The following TMEM132B variants were observed in gnomAD, a reference collection of about 807,000 sequenced individuals.
TMEM132B encodes the protein transmembrane protein 132B.
A neutral mutation model predicts 90.8 loss-of-function variants in TMEM132B; 18 were observed. That is an observed-to-expected ratio of 0.20 (90% CI 0.14 to 0.29). TMEM132B has a LOEUF of 0.29. Ranked by LOEUF, TMEM132B falls within the 10% of genes least tolerant of loss-of-function variation. The pLI is 1.00. For missense variants in TMEM132B, 1,096 were observed against 1,326.8 expected, an observed-to-expected ratio of 0.83 and a Z score of 2.70; for synonymous variants, 504 against 523.3, an observed-to-expected ratio of 0.96 and a Z score of 0.50.
At chr12:125,507,520 G>C (rs1882876573) in intron 3 of TMEM132B, among the ~76,000 whole-genome samples, 1 of 152,154 alleles carries the variant, frequency 6.6e-6, no homozygotes, top group African/African-American at 2.4e-5. Flanking sequence ...GACAGCTGTT[G>C]AGTTTAGTCC....
intron 1 of TMEM132B, among the ~76,000 whole-genome samples, chr12:125,342,995 T>C (rs1021332230): frequency 5.3e-5 from 8 of 152,188 alleles, no homozygotes; most frequent in African/African-American, 1.9e-4. Flanking sequence ...TTTTTGATTC[T>C]ATAATGAATG....
intron 3 of TMEM132B, among the ~76,000 whole-genome samples, chr12:125,452,807 C>T (rs964077062): frequency 6.6e-6 from 1 of 152,034 alleles, no homozygotes; most frequent in African/African-American, 2.4e-5. Context: ...GTCATTTGCC[C>T]ACTAGCTGAT....
At chr12:125,269,754 A>G (rs1452235638) in intron 1 of TMEM132B, among the ~76,000 whole-genome samples, 1 of 152,156 alleles carries the variant, frequency 6.6e-6, no homozygotes, top group Non-Finnish European at 1.5e-5. Context: ...GCAAGACGGA[A>G]GTGTATTTCC....
intron 2 of TMEM132B, among the ~76,000 whole-genome samples, chr12:125,385,918 A>G (rs769276513): frequency 2.2e-4 from 34 of 152,164 alleles, no homozygotes; most frequent in Non-Finnish European, 8.8e-5. Context: ...AGACACAGAA[A>G]TCCTTGGTAT....
chr12:125,439,645 T>C (rs1880809821), intron 3 of TMEM132B, among the ~76,000 whole-genome samples: 1 of 152,210 alleles, frequency 6.6e-6, no homozygotes, highest in African/African-American at 2.4e-5. Flanking sequence ...CTCTTCCTAT[T>C]TGAATGCCCT....
At chr12:125,322,954 A>G (rs1448854816) in intron 1 of TMEM132B, among the ~76,000 whole-genome samples, 1 of 152,232 alleles carries the variant, frequency 6.6e-6, no homozygotes, top group Non-Finnish European at 1.5e-5. Context: ...GTAGCAAACC[A>G]TGAGTACTGT....
chr12:125,413,179 TC>T (rs1308401992), intron 2 of TMEM132B, among the ~76,000 whole-genome samples: 5 of 152,108 alleles, frequency 3.3e-5, no homozygotes, highest in Admixed American at 6.5e-5. Context: ...AGTTCGAGAA[TC>T]TCTCTCCTGC....
intron 1 of TMEM132B, among the ~76,000 whole-genome samples, chr12:125,263,965 G>A (rs1236861626): frequency 1.2e-4 from 19 of 152,142 alleles, no homozygotes; most frequent in Admixed American, 1.2e-3. Flanking sequence ...ACACATTATT[G>A]GAAATTCAGT....
At chr12:125,375,117 C>T (rs1878434814) in intron 2 of TMEM132B, among the ~76,000 whole-genome samples, 1 of 152,156 alleles carries the variant, frequency 6.6e-6, no homozygotes, top group East Asian at 1.9e-4. Context: ...GGATAGCACA[C>T]AATGTACTAT....
chr12:125,495,781 T>C (rs1592955664), intron 3 of TMEM132B, among the ~76,000 whole-genome samples: 1 of 152,202 alleles, frequency 6.6e-6, no homozygotes, highest in Non-Finnish European at 1.5e-5. Context: ...GCAGAATGGA[T>C]AGACCATCCC....
intron 4 of TMEM132B, among the ~76,000 whole-genome samples, chr12:125,567,009 A>AT (rs1316379059): frequency 6.6e-6 from 1 of 151,710 alleles, no homozygotes; most frequent in African/African-American, 2.4e-5. Context: ...ACACCGGCTA[A>AT]TTTTTGTATT....
chr12:125,304,629 G>A (rs913151222), intron 1 of TMEM132B, among the ~76,000 whole-genome samples: 2 of 152,120 alleles, frequency 1.3e-5, no homozygotes, highest in African/African-American at 2.4e-5. Flanking sequence ...TATTTTGCAT[G>A]TGGATATCCA....
At chr12:125,250,927 C>T (rs1021903833) in intron 1 of TMEM132B, among the ~76,000 whole-genome samples, 17 of 152,252 alleles carry the variant, frequency 1.1e-4, no homozygotes, top group African/African-American at 4.1e-4. Flanking sequence ...GCACACTGTG[C>T]ACACAACTGC....
Position 125,458,361 on chromosome 12 carries a change from A to C in TMEM132B, c.1106+42684A>C, listed in dbSNP as rs77513250. Among the ~76,000 whole-genome samples, 1,028 of 152,236 alleles carry C rather than the reference A, an allele frequency of 6.8e-3. 15 individuals are homozygous for C. The highest frequency in any genetic ancestry group is 0.023 in the African/African-American group (957 of 41,542). ...TGGTCCCCTACCTCTGCCATAAACA[A>C]CTTGGAGCTTGAATAGAAACCAGGA... On this transcript the variant is annotated intron_variant, in intron 3 of 8. Transcript: ENST00000682704. The surrounding 1 kb of genome is among the most constrained non-coding windows in gnomAD (Gnocchi z 4.9).
chr12:125,216,363 C>T (rs1245033512), intron 1 of TMEM132B, among the ~76,000 whole-genome samples: 1 of 152,180 alleles, frequency 6.6e-6, no homozygotes, highest in Non-Finnish European at 1.5e-5. Context: ...GGGTCCCACC[C>T]TTATGACCTC....
In TMEM132B at chr12:125,612,231, T is replaced by G. The variant is rs187387276; in HGVS notation, c.1437+28237T>G. On this transcript the variant is annotated intron_variant, in intron 5 of 8. Transcript: ENST00000682704. Reference sequence around the variant, plus strand: ...TGGCTCACGCCTATAATCCCAGCACTTTGGGAGGCCAAGGCAGGTGGATTG... The same window carrying G: ...TGGCTCACGCCTATAATCCCAGCACGTTGGGAGGCCAAGGCAGGTGGATTG... 4.6e-3 allele frequency among the ~76,000 whole-genome samples: 703 copies of G among 152,226 alleles called. 3 individuals carry two copies. The highest frequency in any genetic ancestry group is 0.01 in the Middle Eastern group (3 of 294).
chr12:125,208,058 C>T (rs1873224098), intron 1 of TMEM132B, among the ~76,000 whole-genome samples: 1 of 152,196 alleles, frequency 6.6e-6, no homozygotes, highest in Admixed American at 6.5e-5. Flanking sequence ...TTTGAATTTG[C>T]ATTCCCCACG....
chr12:125,326,102 C>T (rs1876555704), intron 1 of TMEM132B, among the ~76,000 whole-genome samples: 1 of 152,206 alleles, frequency 6.6e-6, no homozygotes, highest in Non-Finnish European at 1.5e-5. Context: ...CCCAGGGAGC[C>T]TCTGCACAAA....
In TMEM132B at chr12:125,401,460, T is replaced by G. The variant is rs538006023; in HGVS notation, c.960-14071T>G. 4.1e-4 allele frequency among the ~76,000 whole-genome samples: 63 copies of G among 152,166 alleles called. 1 individual carries two copies. Among genetic ancestry groups the G allele is most frequent in the Admixed American group, 3.0e-3 (46 of 15,294 alleles). ...ATAAGAGGGATTTGCCATTTTAGATTGGGTGGTCTAGGAAAACTTCACTGA... is the reference window on the plus strand; with the variant it reads ...ATAAGAGGGATTTGCCATTTTAGATGGGGTGGTCTAGGAAAACTTCACTGA... On this transcript the variant is annotated intron_variant, in intron 2 of 8. Transcript: ENST00000682704.
Sources: gnomAD v4.1 joint callset for allele counts (sites outside exome capture counted in the v4.1 genomes callset) on GRCh38, gnomAD v4.1.1 for gene constraint, Gnocchi (gnomAD v3.1) non-coding constraint, MANE v1.5 for transcripts, NCBI Gene and HGNC (gene_info 2026-07-23, HGNC 2026-07-21) for gene names.